PDE3A: variants seen among roughly 807,000 people sequenced by gnomAD.
PDE3A encodes cGMP-inhibited 3',5'-cyclic phosphodiesterase 3A.
PDE3A carries 43 observed loss-of-function variants against 98.3 expected under a neutral mutation model. The observed-to-expected ratio is 0.44, with a 90% confidence interval of 0.34 to 0.56. PDE3A has a LOEUF of 0.56. PDE3A is among the 20% of genes least tolerant of loss of function. The pLI is 0.01. For synonymous variants in PDE3A, 663 were observed against 567.9 expected, an observed-to-expected ratio of 1.17 and a Z score of -2.38; for missense variants, 1,427 against 1,440.7, an observed-to-expected ratio of 0.99 and a Z score of 0.15.
intron 1 of PDE3A, among the ~76,000 whole-genome samples, chr12:20,494,983 A>G (rs1478626879): frequency 6.6e-6 from 1 of 152,194 alleles, no homozygotes; most frequent in Non-Finnish European, 1.5e-5. Flanking sequence ...CTTAGCACAA[A>G]TGTGATTCAT....
At chr12:20,459,458 A>C (rs2120920013) in intron 1 of PDE3A, among the ~76,000 whole-genome samples, 1 of 152,276 alleles carries the variant, frequency 6.6e-6, no homozygotes, top group African/African-American at 2.4e-5. Flanking sequence ...TATAAAGTAA[A>C]AATTTTAAAG....
rs75851941 is a variant in PDE3A at position 20,400,379 on chromosome 12, G to GTTTT, written c.960+30177_960+30180dup. On this transcript the variant is annotated intron_variant, in intron 1 of 15. Coordinates refer to ENST00000359062, the MANE Select transcript of PDE3A (RefSeq NM_000921.5). ...AGCTCATGTTGACTCGTTAACATTG[G>GTTTT]TTTTTTTTTTTTTTTTTTTTTTTTT... Among the ~76,000 whole-genome samples, 57 of 110,208 alleles carry GTTTT rather than the reference G, an allele frequency of 5.2e-4. 1 individual carries two copies. Among genetic ancestry groups the GTTTT allele is most frequent in the African/African-American group, 8.7e-4 (21 of 24,086 alleles). The allele number at this position is 110,208 out of a possible 152,430, so 72.3% of individuals were successfully genotyped here.
At chr12:20,665,424 T>G (rs1031690047) in intron 15 of PDE3A, among the ~76,000 whole-genome samples, 14 of 152,230 alleles carry the variant, frequency 9.2e-5, no homozygotes, top group Non-Finnish European at 1.8e-4. Context: ...AATATTTGCA[T>G]GTTGAAAACT....
intron 1 of PDE3A, among the ~76,000 whole-genome samples, chr12:20,470,716 A>G (rs1165891185): frequency 2.0e-5 from 3 of 152,056 alleles, no homozygotes; most frequent in Non-Finnish European, 4.4e-5. Context: ...TTGAATAAGC[A>G]TCAAAATCTT....
rs866149967 is a variant in PDE3A, at chr12:20,506,208, C to T, written c.961-50452C>T. Among the ~76,000 whole-genome samples the T allele has an allele frequency of 1.9e-4, 29 of 151,870 alleles. 1 individual carries two copies. The Middle Eastern group carries it at 0.014, about 71-fold the overall frequency. ...TGTTAATGCTAAGTCAGTGTTTATT[C>T]TCTGAGCTAACCTCACCTATAAAAC... On this transcript the variant is annotated intron_variant, in intron 1 of 15. Transcript: ENST00000359062.
At chr12:20,372,816 C>G (rs1471830910) in intron 1 of PDE3A, among the ~76,000 whole-genome samples, 1 of 152,016 alleles carries the variant, frequency 6.6e-6, no homozygotes, top group African/African-American at 2.4e-5. Flanking sequence ...AGAACTTAAA[C>G]GCACAGTCTG....
At chr12:20,501,814 G>A (rs546324375) in intron 1 of PDE3A, among the ~76,000 whole-genome samples, 22 of 152,096 alleles carry the variant, frequency 1.4e-4, no homozygotes, top group Admixed American at 1.3e-3. Flanking sequence ...AGAAATGATT[G>A]CATCATGCTT....
chr12:20,642,034 A>C lies in PDE3A; in HGVS notation c.2251+2077A>C, dbSNP rs145645872. On this transcript the variant is annotated intron_variant, in intron 10 of 15. Coordinates refer to ENST00000359062, the MANE Select transcript of PDE3A (RefSeq NM_000921.5). ...TTAGTTATAATCAGCACATACAAAA[A>C]TTTGCTGTATACCTACTTGTTTTAA... Among the ~76,000 whole-genome samples, 479 of 152,224 alleles carry C rather than the reference A, an allele frequency of 3.1e-3. 4 individuals are homozygous for C. The highest frequency in any genetic ancestry group is 0.011 in the African/African-American group (452 of 41,574).
At chr12:20,415,523 C>T (rs1407386131) in intron 1 of PDE3A, among the ~76,000 whole-genome samples, 2 of 151,978 alleles carry the variant, frequency 1.3e-5, no homozygotes, top group Non-Finnish European at 2.9e-5. Flanking sequence ...CTGCAACCAC[C>T]GTCTCCTGGG....
At position 20,670,942 on chromosome 12, in the gene PDE3A, A is replaced by G. The variant is rs1164935758; in HGVS notation, c.3185-9088A>G. On this transcript the variant is annotated intron_variant, in intron 15 of 15. Coordinates refer to ENST00000359062, the MANE Select transcript of PDE3A (RefSeq NM_000921.5). ...TTTTGAAAGGATCAACAAAATTGAT[A>G]GACCACTAGCAAGACTAATAAAGAA... is the stretch of plus-strand genomic sequence containing the variant. 2.3e-5 allele frequency among the ~76,000 whole-genome samples: 3 copies of G among 129,714 alleles called. No individual in the cohort carries two copies. In the East Asian group the frequency reaches 6.6e-4, roughly 29 times the overall value. The allele number at this position is 129,714 out of a possible 152,430, so 85.1% of individuals were successfully genotyped here.
chr12:20,649,796 C>G (rs1944871984), intron 13 of PDE3A, among the ~76,000 whole-genome samples: 1 of 151,952 alleles, frequency 6.6e-6, no homozygotes, highest in Non-Finnish European at 1.5e-5. Flanking sequence ...TGTGGTGGCG[C>G]ACCCCTGTAG....
intron 1 of PDE3A, among the ~76,000 whole-genome samples, chr12:20,543,505 G>A (rs1379090484): frequency 1.3e-5 from 2 of 151,830 alleles, no homozygotes; most frequent in Non-Finnish European, 2.9e-5. Flanking sequence ...TAACCAAGGG[G>A]ATCCATTAAT....
chr12:20,569,175 C>A (rs1370654258), intron 2 of PDE3A, among the ~76,000 whole-genome samples: 1 of 151,932 alleles, frequency 6.6e-6, no homozygotes, highest in African/African-American at 2.4e-5. Context: ...ACTTTGGTAA[C>A]CACATTTAAA....
intron 1 of PDE3A, among the ~76,000 whole-genome samples, chr12:20,458,371 A>G (rs1280836126): frequency 3.3e-5 from 5 of 151,278 alleles, no homozygotes; most frequent in Non-Finnish European, 5.9e-5. Flanking sequence ...GTATATAAAT[A>G]TTAAGCTTTC....
chr12:20,521,477 C>A (rs1179027075), intron 1 of PDE3A, among the ~76,000 whole-genome samples: 1 of 152,038 alleles, frequency 6.6e-6, no homozygotes, highest in Non-Finnish European at 1.5e-5. Context: ...TGTACACTGT[C>A]TTATCAGTGT....
intron 6 of PDE3A, among the ~76,000 whole-genome samples, chr12:20,631,470 T>C (rs550426898): frequency 1.3e-5 from 2 of 152,290 alleles, no homozygotes; most frequent in East Asian, 3.9e-4. Context: ...GAATTGCCCA[T>C]GGATCGAATG....
chr12:20,412,043 G>A (rs759825295), intron 1 of PDE3A, among the ~76,000 whole-genome samples: 4 of 152,028 alleles, frequency 2.6e-5, no homozygotes, highest in Admixed American at 6.6e-5. Flanking sequence ...TGTGTTCTGT[G>A]TATAGCTTAT....
chr12:20,606,843 C>CT (rs551650126), intron 2 of PDE3A, among the ~76,000 whole-genome samples: 2 of 138,882 alleles, frequency 1.4e-5, no homozygotes, highest in South Asian at 4.6e-4. Context: ...GGGAGACAAG[C>CT]TCCATCTCAA....
chr12:20,470,198 T>C (rs1340443805), intron 1 of PDE3A, among the ~76,000 whole-genome samples: 1 of 152,204 alleles, frequency 6.6e-6, no homozygotes, highest in Non-Finnish European at 1.5e-5. Context: ...GTTTTTAGTA[T>C]ACCAGAACTT....
Sources: allele counts gnomAD v4.1 joint callset (sites outside exome capture counted in the v4.1 genomes callset), GRCh38; gene constraint gnomAD v4.1.1; transcripts MANE v1.5; gene names NCBI Gene and HGNC (gene_info 2026-07-23, HGNC 2026-07-21).